Variants in CDH23 observed in about 807,000 individuals in gnomAD.
CDH23 encodes the protein cadherin related 23, also known as cadherin-23.
Under a neutral mutation model 317.1 loss-of-function variants are expected in CDH23, and 189 were observed. The ratio of observed to expected loss-of-function variants is 0.60; its 90% CI spans 0.53 to 0.67. The LOEUF (loss-of-function observed/expected upper bound fraction) is 0.67, where lower values mean the gene tolerates loss of function less well. Among genes scored for constraint, CDH23 ranks in the 30% least tolerant of loss-of-function variants. The pLI, the probability that CDH23 is intolerant of heterozygous loss-of-function variation, is 0.00. For missense variants in CDH23, 4,401 were observed against 4,592.4 expected (o/e 0.96, Z 1.20); for synonymous variants, 1,839 against 1,876.8 (o/e 0.98, Z 0.52).
rs1320314687 is a variant in CDH23, at chr10:71,687,632, CTG to C, written c.1987-11_1987-10del. The C allele has an allele frequency of 6.2e-7, 1 of 1,613,404 alleles. No individual in the cohort carries two copies. Among genetic ancestry groups the C allele is most frequent in the East Asian group, 2.2e-5 (1 of 44,890 alleles). The stretch of plus-strand genomic sequence containing the variant: ...CTCCCTGCAGCCTCCTGCAACCTGT[CTG>C]TGTTCCTTCCAGGATGAGAATGACA... On this transcript the variant is annotated splice_polypyrimidine_tract_variant and intron_variant, in intron 18 of 69. Coordinates refer to ENST00000224721, the MANE Select transcript of CDH23 (RefSeq NM_022124.6).
chr10:71,507,032 C>T (rs1853679186), intron 3 of CDH23, among the ~76,000 whole-genome samples: 1 of 152,106 alleles, frequency 6.6e-6, no homozygotes, highest in Non-Finnish European at 1.5e-5. Flanking sequence ...GGATATTGGG[C>T]CCAGTTGTGC....
chr10:71,773,326 T>C lies in CDH23; in HGVS notation c.4846-4354T>C, dbSNP rs79424899. 1,491 of 1,577,964 alleles carry C rather than the reference T, an allele frequency of 9.4e-4. 14 individuals are homozygous for C. In the African/African-American group the frequency reaches 0.018, roughly 19 times the overall value. The stretch of plus-strand genomic sequence containing the variant: ...TCCAGTCTGCTGTCTTCTCCCAGCT[T>C]TTTCCCAGCGCCCCGCCTCCCCCGA... On this transcript the variant is annotated intron_variant, in intron 38 of 69. Coordinates refer to ENST00000224721, the MANE Select transcript of CDH23 (RefSeq NM_022124.6).
intron 23 of CDH23, 100 bp downstream of exon 23, chr10:71,702,311 ATGTC>A: frequency 1.5e-6 from 2 of 1,323,370 alleles, no homozygotes; most frequent in South Asian, 2.6e-5. Flanking sequence ...CAGGAGGTCT[ATGTC>A]TGATCACCAA....
At chr10:71,416,779 C>T (rs1564566692) in intron 1 of CDH23, among the ~76,000 whole-genome samples, 1 of 151,996 alleles carries the variant, frequency 6.6e-6, no homozygotes, top group African/African-American at 2.4e-5. Flanking sequence ...GCGATCCTCC[C>T]ACCCCAGTCT....
chr10:71,706,718 G>A (rs964627112), intron 25 of CDH23, among the ~76,000 whole-genome samples, 179 bp from the exon 26 acceptor site: 9 of 152,206 alleles, frequency 5.9e-5, no homozygotes, highest in African/African-American at 1.9e-4. Flanking sequence ...TCCTGGCCCC[G>A]GTGGGCATGG....
chr10:71,799,628 C>G lies in CDH23; in HGVS notation c.7361C>G (p.Thr2454Arg), dbSNP rs772949926. ...AGCAAGTTTGCCATCAACCCCACCA[C>G]GGTGAGCAGTGATGGAGGGCCTGGA... is the stretch of plus-strand genomic sequence containing the variant. ...GESKFAINPT[T>R]GDIYVLSSLD... Residue 2454 changes from threonine (T) to arginine (R), a missense_variant and splice_region_variant, in exon 52 of 70, where the codon ACG becomes AGG. Coordinates refer to ENST00000224721, the MANE Select transcript of CDH23 (RefSeq NM_022124.6). The G allele has an allele frequency of 6.2e-7, 1 of 1,614,024 alleles. No homozygotes were observed. The highest frequency in any genetic ancestry group is 1.3e-5 in the African/African-American group (1 of 75,058).
intron 46 of CDH23, among the ~76,000 whole-genome samples, 156 bp downstream of exon 46, chr10:71,790,569 A>G (rs1441489228): frequency 6.6e-6 from 1 of 152,070 alleles, no homozygotes; most frequent in Non-Finnish European, 1.5e-5. Context: ...CAGCTGGGTT[A>G]TATCACCCAG....
chr10:71,579,511 A>G (rs1257353480), intron 9 of CDH23, among the ~76,000 whole-genome samples: 1 of 152,188 alleles, frequency 6.6e-6, no homozygotes, highest in Admixed American at 6.5e-5. Flanking sequence ...CAGCATGCCC[A>G]AGAATCTCCC....
At chr10:71,584,542 C>CTGTCTGTG (rs1858899904) in intron 9 of CDH23, among the ~76,000 whole-genome samples, 1 of 145,658 alleles carries the variant, frequency 6.9e-6, no homozygotes, top group Admixed American at 6.8e-5. Context: ...GAAGGGAAGT[C>CTGTCTGTG]TGTGTGTGTG....
At chr10:71,673,789 G>A (rs1397995322) in intron 14 of CDH23, among the ~76,000 whole-genome samples, 2 of 152,258 alleles carry the variant, frequency 1.3e-5, no homozygotes, top group Non-Finnish European at 2.9e-5. Flanking sequence ...AGGGTGAAGG[G>A]GTTGTAGGTA....
At chr10:71,796,409 A>G (rs1004797489) in intron 48 of CDH23, among the ~76,000 whole-genome samples, 1 of 152,178 alleles carries the variant, frequency 6.6e-6, no homozygotes, top group Non-Finnish European at 1.5e-5. Context: ...TAGGACTGCC[A>G]TGGAACCAAT....
At chr10:71,682,818 T>C (rs1049781880) in intron 18 of CDH23, among the ~76,000 whole-genome samples, 1 of 152,186 alleles carries the variant, frequency 6.6e-6, no homozygotes, top group African/African-American at 2.4e-5. Flanking sequence ...AGACACATTG[T>C]CTGCTCTGAC....
At chr10:71,557,635 T>G (rs1353476236) in intron 6 of CDH23, among the ~76,000 whole-genome samples, 1 of 152,262 alleles carries the variant, frequency 6.6e-6, no homozygotes, top group Non-Finnish European at 1.5e-5. Context: ...GTTCATGCTA[T>G]GCTTTTGTTT....
chr10:71,645,762 C>T (rs1862815802), intron 12 of CDH23, 69 bp from the exon 13 acceptor site: 3 of 1,566,046 alleles, frequency 1.9e-6, no homozygotes, highest in South Asian at 2.3e-5. Context: ...AGCCTCTGCT[C>T]CTCCATTTGG....
chr10:71,632,023 G>A (rs1862037790), intron 11 of CDH23, among the ~76,000 whole-genome samples: 1 of 152,204 alleles, frequency 6.6e-6, no homozygotes, highest in Non-Finnish European at 1.5e-5. Flanking sequence ...AAGTGCTGGG[G>A]GCAGTGGGAC....
chr10:71,777,781 G>T lies in CDH23; in HGVS notation c.4947G>T (p.Thr1649=). 1 of 1,613,832 alleles carries T rather than the reference G, an allele frequency of 6.2e-7. No individual in the cohort carries two copies. Among genetic ancestry groups the T allele is most frequent in the South Asian group, 1.1e-5 (1 of 91,064 alleles). Residue 1649 remains threonine, a synonymous_variant, in exon 39 of 70, where the codon ACG becomes ACT. Coordinates refer to ENST00000224721, the MANE Select transcript of CDH23 (RefSeq NM_022124.6). ...YEVLLDEGPD[T]LNTSLITIQA... Reference sequence around the variant, plus strand: ...TGCTGCTGGATGAGGGCCCAGACACGCTCAACACCAGCCTCATCACCATCC... The same window carrying T: ...TGCTGCTGGATGAGGGCCCAGACACTCTCAACACCAGCCTCATCACCATCC...
At chr10:71,551,133 G>A (rs1856571176) in intron 6 of CDH23, among the ~76,000 whole-genome samples, 1 of 152,370 alleles carries the variant, frequency 6.6e-6, no homozygotes, top group East Asian at 1.9e-4. Flanking sequence ...ATTAATGTGA[G>A]TGTCACGAGG....
At position 71,694,394 on chromosome 10, in the gene CDH23, C is replaced by T. The variant is rs1227078; in HGVS notation, c.2289+135C>T. ...AATGAGCAAGGGGGCGAAAATGAAC[C>T]CATCAGCAGCAGAGGTCAGCCCCCG... On this transcript the variant is annotated intron_variant, in intron 21 of 69. Transcript: ENST00000224721. 613,462 of 647,540 alleles carry T rather than the reference C, an allele frequency of 0.95. 291,039 individuals carry two copies. Among genetic ancestry groups the T allele is most frequent in the East Asian group, 1 (35,650 of 35,748 alleles). The allele number at this position is 647,540 out of a possible 1,614,324, so 40.1% of individuals were successfully genotyped here.
At chr10:71,676,157 C>A (rs917427122) in intron 15 of CDH23, among the ~76,000 whole-genome samples, 13 of 150,070 alleles carry the variant, frequency 8.7e-5, no homozygotes, top group African/African-American at 3.2e-4. Context: ...ATCCACCCAC[C>A]TCAGCCTCCC....
Sources: allele counts gnomAD v4.1 joint callset (sites outside exome capture counted in the v4.1 genomes callset), GRCh38; gene constraint gnomAD v4.1.1; transcripts MANE v1.5; gene names NCBI Gene and HGNC (gene_info 2026-07-23, HGNC 2026-07-21).